The following SORL1 variants were observed in gnomAD, a reference collection of about 807,000 sequenced individuals.
The protein encoded by SORL1 is sortilin related receptor 1.
SORL1 carries 127 observed loss-of-function variants against 273.7 expected under a neutral mutation model. The ratio of observed to expected loss-of-function variants is 0.46; its 90% confidence interval spans 0.40 to 0.54. The LOEUF (loss-of-function observed/expected upper bound fraction) is 0.54. SORL1 is among the 20% of genes least tolerant of loss of function. The probability of loss-of-function intolerance (pLI) is 0.00; values close to 1 mark genes in which losing one functional copy is unlikely to be tolerated. For missense variants in SORL1, 2,494 were observed against 2,846.1 expected (o/e 0.88, Z 2.81); for synonymous variants, 1,031 against 1,067.4 (o/e 0.97, Z 0.66).
intron 32 of SORL1, among the ~76,000 whole-genome samples, chr11:121,597,343 T>C (rs187387628): frequency 2.6e-5 from 4 of 152,322 alleles, no homozygotes; most frequent in East Asian, 1.9e-4. Flanking sequence ...TTGTTGATCA[T>C]GCACAGCGTG....
At position 121,574,242 on chromosome 11, in the gene SORL1, T is replaced by C; in HGVS notation, c.3339T>C (p.Pro1113=). ...CGDMSDERNC[P]TTICDLDTQF... ...TGTTGTCTTTCTATCCCATTTTAGC[T>C]ACCACCATCTGTGACCTGGACACCC... The change falls in exon 24 of 48, where the codon CCT becomes CCC. Residue 1113 remains proline (P), a splice_region_variant and synonymous_variant. Coordinates refer to ENST00000260197, the MANE Select transcript of SORL1 (RefSeq NM_003105.6). The C allele has an allele frequency of 6.2e-7, 1 of 1,613,766 alleles. No individual in the cohort carries two copies. Among genetic ancestry groups the C allele is most frequent in the Non-Finnish European group, 8.5e-7 (1 of 1,179,650 alleles).
chr11:121,559,617 G>A lies in SORL1; in HGVS notation c.3009G>A (p.Gly1003=). The change falls in exon 21 of 48, where the codon GGG becomes GGA. Residue 1003 remains glycine, a synonymous_variant. Coordinates refer to ENST00000260197, the MANE Select transcript of SORL1 (RefSeq NM_003105.6). ...QMEILANQLT[G]LMDMKIFYKG... ...AGATTCTGGCAAACCAGCTCACGGG[G>A]CTCATGGACATGAAGATTTTCTACA... 1.2e-6 allele frequency: 2 copies of A among 1,614,128 alleles called. No homozygotes were observed. The highest frequency in any genetic ancestry group is 1.6e-4 in the Middle Eastern group (1 of 6,062).
intron 25 of SORL1, among the ~76,000 whole-genome samples, chr11:121,581,706 C>T (rs1322358283): frequency 6.6e-6 from 1 of 152,226 alleles, no homozygotes; most frequent in African/African-American, 2.4e-5. Flanking sequence ...TTTCTGAGCT[C>T]AGCTTCTGTG....
intron 36 of SORL1, 28 bp downstream of exon 36, chr11:121,606,985 T>TCA: frequency 7.9e-6 from 12 of 1,520,086 alleles, no homozygotes; most frequent in Non-Finnish European, 1.1e-5. Context: ...GTTGGCTGTA[T>TCA]GTGTGTTGGG....
chr11:121,590,404 A>G lies in SORL1; in HGVS notation c.4213+230A>G, dbSNP rs1863191574. On this transcript the variant is annotated intron_variant, in intron 30 of 47. Coordinates refer to ENST00000260197, the MANE Select transcript of SORL1 (RefSeq NM_003105.6). ...ATTTGCAGGGCAGAGTGAGAAGTCT[A>G]GAGCCTTCCTACTCAAAGTATGGTT... The G allele has an allele frequency of 9.5e-6, 5 of 527,372 alleles. No individual in the cohort carries two copies. The Admixed American group carries it at 1.0e-4, about 11-fold the overall frequency. 32.7% of individuals were successfully genotyped at this position (527,372 alleles called of 1,614,324 possible).
Position 121,514,176 on chromosome 11 carries a change from G to A in SORL1, c.1066G>A (p.Glu356Lys), listed in dbSNP as rs746810090. ...INEYYIADAS[E>K]DQVFVCVSHS... is the part of the protein sequence containing the mutation. ...GGAATATTACATCGCAGATGCCTCC[G>A]AGGACCAGGTGTTTGTGTGTGTCAG... The change falls in exon 8 of 48, where the codon GAG (glutamate) becomes AAG (lysine). Residue 356 changes from glutamate (E) to lysine (K), a missense_variant. By Grantham distance (56) the Glu-to-Lys change is moderately conservative (BLOSUM62 1). Coordinates refer to ENST00000260197, the MANE Select transcript of SORL1 (RefSeq NM_003105.6). The A allele has an allele frequency of 6.2e-6, 10 of 1,613,510 alleles. No homozygotes were observed. The highest frequency in any genetic ancestry group is 4.5e-5 in the East Asian group (2 of 44,884).
intron 3 of SORL1, among the ~76,000 whole-genome samples, chr11:121,479,039 G>C (rs768480414): frequency 5.3e-5 from 8 of 152,018 alleles, no homozygotes; most frequent in Non-Finnish European, 1.2e-4. Context: ...TGCGTGTGTT[G>C]GTGCAACCCT....
rs146903951 is a variant in SORL1, at chr11:121,570,228, T to C, written c.3295T>C (p.Phe1099Leu). The change falls in exon 23 of 48, where the codon TTT (phenylalanine) becomes CTT (leucine). Residue 1099 changes from phenylalanine (F) to leucine (L), a missense_variant. Transcript: ENST00000260197. ...NCINSIWWCD[F>L]DNDCGDMSDE... Reference sequence around the variant, plus strand: ...TATCAACAGCATTTGGTGGTGTGACTTTGACAACGACTGTGGAGACATGAG... The same window carrying C: ...TATCAACAGCATTTGGTGGTGTGACCTTGACAACGACTGTGGAGACATGAG... 9.8e-3 allele frequency: 15,736 copies of C among 1,613,946 alleles called. 105 individuals carry two copies. The highest frequency in any genetic ancestry group is 0.012 in the Non-Finnish European group (13,655 of 1,179,830).
In SORL1 at chr11:121,470,121, G is replaced by A; in HGVS notation, c.400G>A (p.Asp134Asn). ...SLALARPKSS[D>N]VYVSYDYGKS... ...GGCATTGGCGAGGCCCAAGAGCAGT[G>A]ATGTAAGTGTTGTGTTGGCTCTGGG... Residue 134 changes from aspartate (D) to asparagine (N), a missense_variant and splice_region_variant, in exon 2 of 48, where the codon GAT (aspartate) becomes AAT (asparagine). Around this residue, in one of 3 missense-constraint regions of SORL1, gnomAD observed 710 missense variants for 882.5 expected, o/e 0.80. Transcript: ENST00000260197. 1.9e-6 allele frequency: 3 copies of A among 1,608,916 alleles called. No homozygotes were observed. Among genetic ancestry groups the A allele is most frequent in the Non-Finnish European group, 1.7e-6 (2 of 1,175,294 alleles).
intron 19 of SORL1, among the ~76,000 whole-genome samples, chr11:121,558,024 T>C (rs1862617079): frequency 6.6e-6 from 1 of 152,234 alleles, no homozygotes; most frequent in African/African-American, 2.4e-5. Flanking sequence ...TGAAAAAAAT[T>C]TGCATTCTTC....
intron 18 of SORL1, 41 bp downstream of exon 18, chr11:121,555,359 C>G: frequency 1.2e-6 from 2 of 1,605,742 alleles, no homozygotes; most frequent in Non-Finnish European, 1.7e-6. Flanking sequence ...AGGGAGCAGG[C>G]GGGGCACCTG....
intron 1 of SORL1, among the ~76,000 whole-genome samples, chr11:121,460,824 C>CT: frequency 6.6e-6 from 1 of 152,216 alleles, no homozygotes; most frequent in East Asian, 1.9e-4. Flanking sequence ...GCTGGGAAGA[C>CT]TTTAATAGGT....
intron 28 of SORL1, 101 bp from the exon 29 acceptor site, chr11:121,589,158 C>A: frequency 7.4e-7 from 1 of 1,351,928 alleles, no homozygotes; most frequent in Non-Finnish European, 1.1e-6. Flanking sequence ...AGTCCTTTGC[C>A]AGAACTCACT....
chr11:121,556,062 G>C (rs1862577216), intron 18 of SORL1, among the ~76,000 whole-genome samples: 1 of 152,208 alleles, frequency 6.6e-6, no homozygotes, highest in African/African-American at 2.4e-5. Context: ...GACTCCACTA[G>C]CTCAGCGACA....
At chr11:121,454,683 A>G (rs950991439) in intron 1 of SORL1, among the ~76,000 whole-genome samples, 21 of 152,264 alleles carry the variant, frequency 1.4e-4, no homozygotes, top group African/African-American at 5.1e-4. Flanking sequence ...TTGAATCTGT[A>G]AGGATTTGAG....
intron 1 of SORL1, among the ~76,000 whole-genome samples, chr11:121,469,482 A>G (rs917279272): frequency 5.9e-5 from 9 of 152,214 alleles, no homozygotes; most frequent in Non-Finnish European, 8.8e-5. Flanking sequence ...ACCTTTCAAA[A>G]ATAATTTTGA....
intron 32 of SORL1, among the ~76,000 whole-genome samples, chr11:121,602,996 A>G (rs1480492946): frequency 2.0e-5 from 3 of 152,116 alleles, no homozygotes; most frequent in Non-Finnish European, 4.4e-5. Flanking sequence ...GTGATGTTGC[A>G]TGTCTCTCAC....
chr11:121,565,336 G>A (rs1862739852), intron 21 of SORL1, among the ~76,000 whole-genome samples: 1 of 151,982 alleles, frequency 6.6e-6, no homozygotes. Context: ...CTTTTCCTTG[G>A]CATCATAATA....
At chr11:121,555,397 C>T in intron 18 of SORL1, 79 bp downstream of exon 18, 3 of 1,549,578 alleles carry the variant, frequency 1.9e-6, no homozygotes, top group Non-Finnish European at 2.7e-6. Flanking sequence ...GACACAGAGG[C>T]AAGGGCCAGT....
Sources: gnomAD v4.1 joint callset for allele counts (sites outside exome capture counted in the v4.1 genomes callset) on GRCh38, gnomAD v4.1.1 for gene constraint, gnomAD v4.1.1 regional missense constraint, MANE v1.5 for transcripts, NCBI Gene and HGNC (gene_info 2026-07-23, HGNC 2026-07-21) for gene names.